Variants in CNBD1 observed in about 807,000 individuals in gnomAD.
CNBD1 encodes cyclic nucleotide binding domain containing 1, also known as cyclic nucleotide-binding domain-containing protein 1.
A neutral mutation model predicts 54.4 loss-of-function variants in CNBD1; 71 were observed. The observed-to-expected ratio is 1.30, with a 90% CI of 1.08 to 1.59. CNBD1 has a LOEUF of 1.59. Among genes scored for constraint, CNBD1 ranks in the 40% most tolerant of loss-of-function variants. The pLI is 0.00. For synonymous variants in CNBD1, 182 were observed against 170.7 expected, an observed-to-expected ratio of 1.07 and a Z score of -0.51; for missense variants, 659 against 518.0, an observed-to-expected ratio of 1.27 and a Z score of -2.64.
intron 5 of CNBD1, among the ~76,000 whole-genome samples, chr8:87,229,765 T>G (rs1385073088): frequency 1.3e-5 from 2 of 152,184 alleles, no homozygotes; most frequent in Non-Finnish European, 2.9e-5. Context: ...TTCGTCTCAC[T>G]CTGCATATAT....
At chr8:87,230,408 A>G (rs1290756400) in intron 5 of CNBD1, among the ~76,000 whole-genome samples, 2 of 152,202 alleles carry the variant, frequency 1.3e-5, no homozygotes, top group African/African-American at 2.4e-5. Context: ...GTATATATTT[A>G]TCTATATATA....
chr8:87,372,650 C>A (rs1275148007), intron 10 of CNBD1, among the ~76,000 whole-genome samples: 4 of 151,724 alleles, frequency 2.6e-5, no homozygotes, highest in Non-Finnish European at 4.4e-5. Context: ...TTACATAATA[C>A]TTTATTTGTC....
At chr8:86,965,851 G>A (rs74388790) in intron 4 of CNBD1, among the ~76,000 whole-genome samples, 6,651 of 152,204 alleles carry the variant, frequency 0.044, 152 homozygotes, top group Non-Finnish European at 0.045. Context: ...CAGATCATCC[G>A]TGGAGCCTTC....
At chr8:86,884,828 G>T (rs942754170) in intron 1 of CNBD1, among the ~76,000 whole-genome samples, 1 of 152,164 alleles carries the variant, frequency 6.6e-6, no homozygotes, top group African/African-American at 2.4e-5. Flanking sequence ...ATTAAGCAAG[G>T]TTCCATTTAT....
intron 4 of CNBD1, among the ~76,000 whole-genome samples, chr8:86,965,588 AAAG>A (rs1296611204): frequency 6.6e-6 from 1 of 152,166 alleles, no homozygotes; most frequent in Non-Finnish European, 1.5e-5. Context: ...CTCCAAAAAA[AAAG>A]GACAGAAAGC....
chr8:87,189,871 T>A (rs191487735), intron 4 of CNBD1, among the ~76,000 whole-genome samples: 73 of 152,306 alleles, frequency 4.8e-4, no homozygotes, highest in Non-Finnish European at 9.0e-4. Flanking sequence ...GATGTGCATA[T>A]TAATGATTAA....
intron 4 of CNBD1, among the ~76,000 whole-genome samples, chr8:87,169,127 G>T (rs1023349660): frequency 6.6e-6 from 1 of 151,996 alleles, no homozygotes; most frequent in Non-Finnish European, 1.5e-5. Flanking sequence ...TTTAACTGGG[G>T]TGAGGTGATA....
intron 5 of CNBD1, among the ~76,000 whole-genome samples, chr8:87,224,455 A>C (rs1342071642): frequency 2.0e-5 from 3 of 151,376 alleles, no homozygotes; most frequent in African/African-American, 2.4e-5. Context: ...TCAGCTTTCT[A>C]CATATGGCTA....
At chr8:87,411,068 C>T (rs182483998) in intron 2 of CNBD1, among the ~76,000 whole-genome samples, 10 of 152,026 alleles carry the variant, frequency 6.6e-5, no homozygotes, top group Admixed American at 3.3e-4. Context: ...ATTTGTGTGA[C>T]TCGCTTTATT....
chr8:87,162,033 G>T (rs1812868467), intron 4 of CNBD1, among the ~76,000 whole-genome samples: 1 of 152,024 alleles, frequency 6.6e-6, no homozygotes, highest in South Asian at 2.1e-4. Context: ...TGGTGTGGGA[G>T]AATTACTCTG....
chr8:87,327,382 G>T (rs1809700817), intron 8 of CNBD1, among the ~76,000 whole-genome samples: 1 of 151,784 alleles, frequency 6.6e-6, no homozygotes, highest in Admixed American at 6.6e-5. Flanking sequence ...CCTGGGCAAT[G>T]GTGGGCGCCC....
chr8:87,170,443 T>G (rs929588548), intron 4 of CNBD1, among the ~76,000 whole-genome samples: 1 of 152,196 alleles, frequency 6.6e-6, no homozygotes, highest in Non-Finnish European at 1.5e-5. Flanking sequence ...TAGCTAGAAC[T>G]TCCACTACTA....
chr8:86,987,697 A>G (rs1158964255), intron 4 of CNBD1, among the ~76,000 whole-genome samples: 1 of 151,808 alleles, frequency 6.6e-6, no homozygotes, highest in Non-Finnish European at 1.5e-5. Flanking sequence ...GTCTGTTGGG[A>G]GTTTGTATCA....
At chr8:87,055,451 G>A (rs1810394440) in intron 4 of CNBD1, among the ~76,000 whole-genome samples, 1 of 151,684 alleles carries the variant, frequency 6.6e-6, no homozygotes, top group African/African-American at 2.4e-5. Flanking sequence ...TTCCCTCCCT[G>A]TGCAAGCTCC....
intron 8 of CNBD1, among the ~76,000 whole-genome samples, chr8:87,310,448 G>T (rs967575973): frequency 3.9e-5 from 6 of 151,972 alleles, no homozygotes; most frequent in Non-Finnish European, 7.4e-5. Context: ...CCTCTATAAG[G>T]AAAACTACAA....
chr8:87,014,342 GC>G (rs1216986324), intron 4 of CNBD1, among the ~76,000 whole-genome samples: 4 of 150,714 alleles, frequency 2.7e-5, no homozygotes, highest in Non-Finnish European at 5.9e-5. Context: ...TATAAGATTT[GC>G]CATAAGAGTT....
At position 87,229,983 on chromosome 8, in the gene CNBD1, C is replaced by G. The variant is rs1013265165; in HGVS notation, c.578-6936C>G. ...TTATAAAGAAAAGAGTTTTAATTGC[C>G]TCATGGTACCACAGTCTGTATAGGA... On this transcript the variant is annotated intron_variant, in intron 5 of 10. Coordinates refer to ENST00000518476, the MANE Select transcript of CNBD1 (RefSeq NM_173538.3). 2.0e-4 allele frequency among the ~76,000 whole-genome samples: 30 copies of G among 152,216 alleles called. 1 individual carries two copies. The highest frequency in any genetic ancestry group is 3.9e-4 in the Admixed American group (6 of 15,292).
rs111665823 is a variant in CNBD1 at position 87,287,563 on chromosome 8, A to C, written c.1042+892A>C. 6.2e-4 allele frequency among the ~76,000 whole-genome samples: 95 copies of C among 152,170 alleles called. 1 individual carries two copies. Among genetic ancestry groups the C allele is most frequent in the Non-Finnish European group, 1.1e-3 (74 of 68,032 alleles). On this transcript the variant is annotated intron_variant, in intron 8 of 10. Coordinates refer to ENST00000518476, the MANE Select transcript of CNBD1 (RefSeq NM_173538.3). Reference sequence around the variant, plus strand: ...ATTTAAGTTTGAGATTAAAGTTCTAAAACGAATGAATCTGATTGGTAAATT... The same window carrying C: ...ATTTAAGTTTGAGATTAAAGTTCTACAACGAATGAATCTGATTGGTAAATT...
intron 8 of CNBD1, among the ~76,000 whole-genome samples, chr8:87,309,536 A>G (rs1436194017): frequency 2.6e-5 from 4 of 152,102 alleles, no homozygotes; most frequent in African/African-American, 9.7e-5. Flanking sequence ...CCCTGTGGGA[A>G]TTTTCTAGAA....
Sources: gnomAD v4.1 joint callset for allele counts (sites outside exome capture counted in the v4.1 genomes callset) on GRCh38, gnomAD v4.1.1 for gene constraint, MANE v1.5 for transcripts, NCBI Gene and HGNC (gene_info 2026-07-23, HGNC 2026-07-21) for gene names.